Variants in PAFAH1B1 observed in about 807,000 individuals in gnomAD.
The protein encoded by PAFAH1B1 is platelet activating factor acetylhydrolase 1b regulatory subunit 1.
PAFAH1B1 carries 2 observed loss-of-function variants against 57.5 expected under a neutral mutation model. That is an observed-to-expected ratio of 0.03 (90% CI 0.01 to 0.11). The LOEUF is 0.11. Among genes scored for constraint, PAFAH1B1 ranks in the 10% least tolerant of loss-of-function variants. PAFAH1B1 has a pLI of 1.00. For missense variants in PAFAH1B1, 257 were observed against 512.0 expected (o/e 0.50, Z 4.81); for synonymous variants, 152 against 169.6 (o/e 0.90, Z 0.81).
intron 2 of PAFAH1B1, chr17:2,640,669 T>G (rs1188427985): frequency 6.6e-6 from 1 of 151,958 alleles, no homozygotes; most frequent in Non-Finnish European, 1.5e-5. Flanking sequence ...GCCAGACTGG[T>G]CTCAAACTCC....
chr17:2,666,224 A>C, intron 4 of PAFAH1B1, 134 bp downstream of exon 4: 1 of 866,346 alleles, frequency 1.2e-6, no homozygotes, highest in Non-Finnish European at 1.7e-6. Flanking sequence ...TTTGTGCTTC[A>C]TGAAAAGTAT....
At position 2,683,159 on chromosome 17, in the gene PAFAH1B1, G is replaced by A. The variant is rs372853134; in HGVS notation, c.*1357G>A. On this transcript the variant is annotated 3_prime_UTR_variant, in exon 11 of 11. Coordinates refer to ENST00000397195, the MANE Select transcript of PAFAH1B1 (RefSeq NM_000430.4). ...CGTTATGTCCCCCTCTAATTTAGCC[G>A]CTCGACATTTTACACAACCCGGATA... The A allele has an allele frequency of 1.8e-4, 27 of 152,230 alleles. No individual in the cohort carries two copies. The highest frequency in any genetic ancestry group is 3.3e-4 in the Admixed American group (5 of 15,278). The allele number at this position is 152,230 out of a possible 1,614,324, so 9.4% of individuals were successfully genotyped here. A position where few individuals can be genotyped will look rare whatever the true frequency, so the allele number is the denominator to read the frequency against.
intron 1 of PAFAH1B1, among the ~76,000 whole-genome samples, chr17:2,603,898 C>T (rs756562469): frequency 4.6e-5 from 7 of 151,594 alleles, no homozygotes; most frequent in Non-Finnish European, 8.8e-5. Flanking sequence ...CAACCACGCG[C>T]GGCTAATTTT....
intron 1 of PAFAH1B1, among the ~76,000 whole-genome samples, chr17:2,612,503 C>T (rs930605681): frequency 7.2e-5 from 11 of 151,984 alleles, no homozygotes; most frequent in African/African-American, 2.7e-4. Context: ...CCACCATGCC[C>T]GGCCGTATCT....
intron 2 of PAFAH1B1, among the ~76,000 whole-genome samples, chr17:2,648,305 A>G (rs1290667387): frequency 6.6e-6 from 1 of 152,098 alleles, no homozygotes. Flanking sequence ...ACAATTCAAG[A>G]TGAGGTTTGG....
At chr17:2,612,132 G>A (rs2068274170) in intron 1 of PAFAH1B1, among the ~76,000 whole-genome samples, 2 of 151,506 alleles carry the variant, frequency 1.3e-5, no homozygotes, top group Non-Finnish European at 1.5e-5. Flanking sequence ...TGCCAATACT[G>A]TTTGACGGTT....
chr17:2,605,323 G>C (rs1291178797), intron 1 of PAFAH1B1, among the ~76,000 whole-genome samples: 1 of 152,082 alleles, frequency 6.6e-6, no homozygotes, highest in Non-Finnish European at 1.5e-5. Context: ...AAGAGGAGGA[G>C]TTGTATAGAA....
intron 2 of PAFAH1B1, among the ~76,000 whole-genome samples, chr17:2,660,190 G>A (rs1182436956): frequency 1.3e-5 from 2 of 148,534 alleles, no homozygotes; most frequent in African/African-American, 4.9e-5. Context: ...CTCCATTGCT[G>A]CCCTGAATAT....
At chr17:2,597,561 C>T (rs1488688470) in intron 1 of PAFAH1B1, among the ~76,000 whole-genome samples, 3 of 151,464 alleles carry the variant, frequency 2.0e-5, no homozygotes, top group Admixed American at 6.6e-5. Context: ...CAGGTGCCTG[C>T]CACTACACCT....
At chr17:2,648,506 A>G (rs577168406) in intron 2 of PAFAH1B1, among the ~76,000 whole-genome samples, 1 of 152,086 alleles carries the variant, frequency 6.6e-6, no homozygotes, top group African/African-American at 2.4e-5. Flanking sequence ...GTGAAACCCC[A>G]TACCTACTAA....
chr17:2,621,543 A>G (rs2068420518), intron 1 of PAFAH1B1, among the ~76,000 whole-genome samples: 1 of 150,884 alleles, frequency 6.6e-6, no homozygotes, highest in Admixed American at 6.6e-5. Context: ...CTGCATCTGG[A>G]AAATATTTGG....
rs181916270 is a variant in PAFAH1B1, at chr17:2,673,426, T to A, written c.672-634T>A. On this transcript the variant is annotated intron_variant, in intron 7 of 10. Transcript: ENST00000397195. ...AGGCAGAGGCGGGCGGATCATGAGG[T>A]CAGGAGATCGAGACCGTCCTGGCTA... 6.1e-3 allele frequency among the ~76,000 whole-genome samples: 925 copies of A among 151,920 alleles called. 1 individual carries two copies. The highest frequency in any genetic ancestry group is 0.017 in the Middle Eastern group (5 of 292).
At chr17:2,603,680 A>G (rs373705296) in intron 1 of PAFAH1B1, among the ~76,000 whole-genome samples, 4 of 151,976 alleles carry the variant, frequency 2.6e-5, no homozygotes, top group African/African-American at 7.3e-5. Context: ...TTTTTATTCA[A>G]TTTCATAAGA....
chr17:2,652,204 A>G (rs1047722873), intron 2 of PAFAH1B1, among the ~76,000 whole-genome samples: 11 of 152,084 alleles, frequency 7.2e-5, no homozygotes, highest in South Asian at 2.1e-4. Context: ...AGGTCAGGAG[A>G]TCGAGACCAT....
At chr17:2,601,357 A>G (rs2068141937) in intron 1 of PAFAH1B1, among the ~76,000 whole-genome samples, 1 of 151,688 alleles carries the variant, frequency 6.6e-6, no homozygotes, top group Non-Finnish European at 1.5e-5. Context: ...CTGGTCTCGA[A>G]CTCCTGACCT....
At chr17:2,639,013 C>T (rs2068660660) in intron 2 of PAFAH1B1, among the ~76,000 whole-genome samples, 1 of 152,112 alleles carries the variant, frequency 6.6e-6, no homozygotes, top group Admixed American at 6.6e-5. Flanking sequence ...CATTCTTCTG[C>T]CTCAACCTCC....
intron 2 of PAFAH1B1, among the ~76,000 whole-genome samples, chr17:2,653,802 T>G (rs1390283295): frequency 6.6e-6 from 1 of 152,126 alleles, no homozygotes; most frequent in Non-Finnish European, 1.5e-5. Flanking sequence ...TTATTTTTAT[T>G]TTTTAAATTT....
chr17:2,673,743 C>A (rs947726719), intron 7 of PAFAH1B1: 4 of 301,222 alleles, frequency 1.3e-5, no homozygotes. Context: ...TACAAAGTTA[C>A]TAGTTTTACT....
intron 1 of PAFAH1B1, among the ~76,000 whole-genome samples, chr17:2,604,801 C>G (rs2068187287): frequency 6.6e-6 from 1 of 151,754 alleles, no homozygotes; most frequent in African/African-American, 2.4e-5. Flanking sequence ...GACAGCAAGA[C>G]TCTGTCTCAA....
Sources: gnomAD v4.1 joint callset for allele counts (sites outside exome capture counted in the v4.1 genomes callset) on GRCh38, gnomAD v4.1.1 for gene constraint, MANE v1.5 for transcripts, NCBI Gene and HGNC (gene_info 2026-07-23, HGNC 2026-07-21) for gene names.